Variants in LUC7L2 observed in about 807,000 individuals in gnomAD.
The protein encoded by LUC7L2 is putative RNA-binding protein Luc7-like 2.
In LUC7L2, 25 loss-of-function variants were observed where a neutral mutation model predicts 52.8. The ratio of observed to expected loss-of-function variants is 0.47; its 90% CI spans 0.34 to 0.66. The LOEUF is 0.66. Ranked by LOEUF, LUC7L2 falls within the 30% of genes least tolerant of loss-of-function variation. The pLI, the probability that LUC7L2 is intolerant of heterozygous loss-of-function variation, is 0.01. For synonymous variants in LUC7L2, 144 were observed against 160.9 expected, an observed-to-expected ratio of 0.89 and a Z score of 0.80; for missense variants, 328 against 497.8, an observed-to-expected ratio of 0.66 and a Z score of 3.25.
At position 139,360,355 on chromosome 7, in the gene LUC7L2, A is replaced by AGGGGAC. The variant is rs766326002; in HGVS notation, c.61+42_61+47dup. On this transcript the variant is annotated intron_variant, in intron 1 of 9. Coordinates refer to ENST00000354926, the MANE Select transcript of LUC7L2 (RefSeq NM_016019.5). Reference sequence around the variant, plus strand: ...TCTGCCAGGGCCCTGGGGGTGGGGGAGGGGACGGGGACGGCGAAGGGAAGG... The same window carrying AGGGGAC: ...TCTGCCAGGGCCCTGGGGGTGGGGGAGGGGACGGGGACGGGGACGGCGAAGGGAAGG... The AGGGGAC allele has an allele frequency of 2.2e-5, 28 of 1,268,766 alleles. No homozygotes were observed. In the South Asian group the frequency reaches 2.8e-4, roughly 13 times the overall value. 78.6% of individuals were successfully genotyped at this position (1,268,766 alleles called of 1,614,324 possible).
Position 139,394,702 on chromosome 7 carries a change from C to T in LUC7L2, c.157-3897C>T, listed in dbSNP as rs958486866. ...GGAAGTAGACAGCTGCTTTGAATCT[C>T]TGTGGTGAGCTTTCTTAGATGTTGT... On this transcript the variant is annotated intron_variant, in intron 2 of 9. Coordinates refer to ENST00000354926, the MANE Select transcript of LUC7L2 (RefSeq NM_016019.5). 2.6e-5 allele frequency among the ~76,000 whole-genome samples: 4 copies of T among 152,114 alleles called. 1 individual carries two copies. Among genetic ancestry groups the T allele is most frequent in the Non-Finnish European group, 5.9e-5 (4 of 68,024 alleles).
chr7:139,380,289 G>A (rs2131226321), intron 2 of LUC7L2, among the ~76,000 whole-genome samples: 1 of 152,014 alleles, frequency 6.6e-6, no homozygotes, highest in East Asian at 1.9e-4. Context: ...ATCTCAGAAA[G>A]TTACTATACT....
At chr7:139,361,494 G>A (rs1315861412) in intron 1 of LUC7L2, among the ~76,000 whole-genome samples, 2 of 152,202 alleles carry the variant, frequency 1.3e-5, no homozygotes, top group South Asian at 2.1e-4. Flanking sequence ...TCAGCAGTGC[G>A]TAGAGTGGCT....
chr7:139,348,231 T>C (rs1799333178), intron 1 of LUC7L2, among the ~76,000 whole-genome samples: 1 of 144,196 alleles, frequency 6.9e-6, no homozygotes, highest in Non-Finnish European at 1.5e-5. Context: ...GAGATGGGGG[T>C]CTCACTGTGT....
chr7:139,381,765 G>C (rs894102571), intron 2 of LUC7L2, among the ~76,000 whole-genome samples: 23 of 151,690 alleles, frequency 1.5e-4, no homozygotes, highest in African/African-American at 5.1e-4. Flanking sequence ...TAGTAGAGAC[G>C]GGGTTTTGCC....
chr7:139,401,076 A>G (rs978452847), intron 3 of LUC7L2, among the ~76,000 whole-genome samples: 1 of 152,216 alleles, frequency 6.6e-6, no homozygotes, highest in Non-Finnish European at 1.5e-5. Context: ...TAAATGAACT[A>G]TTAATTGTAG....
chr7:139,359,700 G>A (rs1303145071), upstream of LUC7L2: 4 of 398,238 alleles, frequency 1.0e-5, no homozygotes, highest in Non-Finnish European at 1.8e-5. Flanking sequence ...GCCTCGGGGC[G>A]GATCCGGCTT....
chr7:139,384,733 C>G (rs1794115435), intron 2 of LUC7L2, among the ~76,000 whole-genome samples: 2 of 152,058 alleles, frequency 1.3e-5, no homozygotes, highest in Admixed American at 6.6e-5. Flanking sequence ...TAATCCTTTT[C>G]TGTCATTCTG....
At chr7:139,357,461 A>G (rs1031508881), upstream of LUC7L2, among the ~76,000 whole-genome samples, 4 of 152,142 alleles carry the variant, frequency 2.6e-5, no homozygotes, top group Non-Finnish European at 4.4e-5. Context: ...CTCTTCAACA[A>G]AACATAATTA....
At chr7:139,360,933 T>C (rs905565234) in intron 1 of LUC7L2, among the ~76,000 whole-genome samples, 6 of 152,246 alleles carry the variant, frequency 3.9e-5, no homozygotes. Flanking sequence ...ATGGCCTGTT[T>C]TTCCGAGAGA....
intron 4 of LUC7L2, among the ~76,000 whole-genome samples, 172 bp downstream of exon 4, chr7:139,402,419 CAAAT>C (rs1794954173): frequency 6.6e-6 from 1 of 152,176 alleles, no homozygotes; most frequent in African/African-American, 2.4e-5. Flanking sequence ...AGTGCAATAT[CAAAT>C]AAATTGACAT....
At position 139,409,628 on chromosome 7, in the gene LUC7L2, G is replaced by C; in HGVS notation, c.753G>C (p.Glu251Asp). The stretch of plus-strand genomic sequence containing the variant: ...GGCTGAAACGAAGAGAAGAGAGAGA[G>C]AGAGAAGAAAGGGAGAAGCTGAGGA... Reference protein sequence around the residue: ...QERLKRREEREREEREKLRRS... With the variant: ...QERLKRREERDREEREKLRRS... Residue 251 changes from glutamate to aspartate, a missense_variant, in exon 7 of 10, where the codon GAG (glutamate) becomes GAC (aspartate). Around this residue, in one of 2 missense-constraint regions of LUC7L2, gnomAD observed 195 missense variants for 223.3 expected, o/e 0.87. Transcript: ENST00000354926. The C allele has an allele frequency of 6.2e-7, 1 of 1,611,440 alleles. No homozygotes were observed. Among genetic ancestry groups the C allele is most frequent in the African/African-American group, 1.3e-5 (1 of 74,940 alleles).
At chr7:139,413,439 T>C (rs1344876584) in intron 8 of LUC7L2, among the ~76,000 whole-genome samples, 2 of 152,184 alleles carry the variant, frequency 1.3e-5, no homozygotes, top group African/African-American at 4.8e-5. Context: ...AGAGACTATT[T>C]CCCAAGAAGT....
intron 2 of LUC7L2, among the ~76,000 whole-genome samples, chr7:139,395,761 C>T (rs1794632064): frequency 6.6e-6 from 1 of 152,168 alleles, no homozygotes. Context: ...CTGCCTCTGT[C>T]TCCTCAGGAG....
At chr7:139,409,146 T>A (rs566159028) in intron 6 of LUC7L2, among the ~76,000 whole-genome samples, 2 of 151,312 alleles carry the variant, frequency 1.3e-5, no homozygotes, top group African/African-American at 4.9e-5. Context: ...AAAAAAAAAA[T>A]AATAAGATCA....
upstream of LUC7L2, among the ~76,000 whole-genome samples, chr7:139,357,809 A>C (rs1190270241): frequency 1.3e-5 from 2 of 150,980 alleles, no homozygotes; most frequent in African/African-American, 4.9e-5. Flanking sequence ...CTCCTGCCTC[A>C]GCCTCCGGTG....
At chr7:139,416,680 T>G (rs143101540) in intron 8 of LUC7L2, 3 of 152,340 alleles carry the variant, frequency 2.0e-5, no homozygotes, top group Admixed American at 6.5e-5. Context: ...ATTAAAGGCG[T>G]GAGCTACTAC....
intron 1 of LUC7L2, chr7:139,363,160 T>C (rs1799972326): frequency 2.0e-6 from 2 of 978,254 alleles, no homozygotes; most frequent in African/African-American, 3.5e-5. Flanking sequence ...TCTGCCTTCT[T>C]TGCAATTTTG....
At chr7:139,417,794 T>G in intron 9 of LUC7L2, 65 bp downstream of exon 9, 7 of 1,528,122 alleles carry the variant, frequency 4.6e-6, no homozygotes, top group Non-Finnish European at 5.3e-6. Context: ...TATGTTTACT[T>G]ATGTTACTTA....
Sources: gnomAD v4.1 joint callset for allele counts (sites outside exome capture counted in the v4.1 genomes callset) on GRCh38, gnomAD v4.1.1 for gene constraint, gnomAD v4.1.1 regional missense constraint, MANE v1.5 for transcripts, NCBI Gene and HGNC (gene_info 2026-07-23, HGNC 2026-07-21) for gene names.